Variants in GABRA3 observed in about 807,000 individuals in gnomAD.
GABRA3 encodes the protein gamma-aminobutyric acid type A receptor subunit alpha3, also known as gamma-aminobutyric acid receptor subunit alpha-3.
A neutral mutation model predicts 30.1 loss-of-function variants in GABRA3; 10 were observed. The ratio of observed to expected loss-of-function variants is 0.33; its 90% CI spans 0.20 to 0.56. The LOEUF is 0.56. Ranked by LOEUF, GABRA3 falls within the 20% of genes least tolerant of loss-of-function variation. The pLI, the probability that GABRA3 is intolerant of heterozygous loss-of-function variation, is 0.89. For synonymous variants in GABRA3, 151 were observed against 146.8 expected, an observed-to-expected ratio of 1.03 and a Z score of -0.21; for missense variants, 233 against 392.0, an observed-to-expected ratio of 0.59 and a Z score of 3.42.
intron 5 of GABRA3, among the ~76,000 whole-genome samples, chrX:152,234,039 A>C (rs1292361655): frequency 1.4e-5 from 1 of 70,419 alleles, no homozygotes; most frequent in Admixed American, 2.1e-4. Context: ...CACTCTAGGG[A>C]CTGTTGTGGG....
At chrX:152,414,159 T>C (rs1930147363) in intron 1 of GABRA3, among the ~76,000 whole-genome samples, 1 of 111,425 alleles carries the variant, frequency 9.0e-6, no homozygotes, top group South Asian at 3.7e-4. Flanking sequence ...TTTATGTACA[T>C]ACAAAAACCT....
intron 5 of GABRA3, among the ~76,000 whole-genome samples, chrX:152,229,451 CA>C (rs1271111255): frequency 1.8e-5 from 2 of 110,625 alleles, no homozygotes; most frequent in African/African-American, 3.3e-5. Flanking sequence ...GAAGGGGTTG[CA>C]ACTTTTAATA....
At chrX:152,289,045 G>A (rs1939346850) in intron 3 of GABRA3, among the ~76,000 whole-genome samples, 1 of 108,633 alleles carries the variant, frequency 9.2e-6, no homozygotes, top group Non-Finnish European at 1.9e-5. Flanking sequence ...ACCTCAATAG[G>A]ACTCCCATTG....
intron 3 of GABRA3, among the ~76,000 whole-genome samples, chrX:152,344,650 C>T (rs1940364122): frequency 8.9e-6 from 1 of 111,924 alleles, no homozygotes; most frequent in Non-Finnish European, 1.9e-5. Context: ...TCTACATTAA[C>T]ATTACCAGTA....
intron 6 of GABRA3, among the ~76,000 whole-genome samples, chrX:152,216,441 CAA>C (rs1937726411): frequency 1.1e-5 from 1 of 88,903 alleles, no homozygotes; most frequent in Non-Finnish European, 2.2e-5. Context: ...CACACACACA[CAA>C]TGGAATGCTA....
At chrX:152,343,129 GC>G (rs1940339201) in intron 3 of GABRA3, among the ~76,000 whole-genome samples, 1 of 110,805 alleles carries the variant, frequency 9.0e-6, no homozygotes, top group Admixed American at 9.7e-5. Context: ...CTTCTCCTCT[GC>G]CTTATGAATT....
At chrX:152,287,417 T>C (rs1453455072) in intron 3 of GABRA3, among the ~76,000 whole-genome samples, 1 of 110,809 alleles carries the variant, frequency 9.0e-6, no homozygotes, top group Non-Finnish European at 1.9e-5. Flanking sequence ...GTTCTCATGA[T>C]AATGAGTGAA....
chrX:152,262,807 C>T (rs1425641132), intron 4 of GABRA3, among the ~76,000 whole-genome samples: 1 of 111,912 alleles, frequency 8.9e-6, no homozygotes, highest in East Asian at 2.8e-4. Context: ...AAAGTCTCTT[C>T]CACATTTTCA....
chrX:152,286,955 ACTT>A (rs976400956), intron 3 of GABRA3, among the ~76,000 whole-genome samples: 11 of 111,488 alleles, frequency 9.9e-5, no homozygotes, highest in Non-Finnish European at 2.1e-4. Context: ...AAGAGACAAA[ACTT>A]CAGAACCCAG....
At chrX:152,227,203 TA>T (rs1214533673) in intron 5 of GABRA3, among the ~76,000 whole-genome samples, 2 of 108,552 alleles carry the variant, frequency 1.8e-5, no homozygotes, top group Non-Finnish European at 3.8e-5. Context: ...TATGCAGCCA[TA>T]AAAAATGATG....
chrX:152,342,287 A>G (rs1940326272), intron 3 of GABRA3, among the ~76,000 whole-genome samples: 1 of 112,064 alleles, frequency 8.9e-6, no homozygotes, highest in South Asian at 3.7e-4. Flanking sequence ...ATGTTTCTTA[A>G]CCATTTATAT....
chrX:152,303,837 C>T (rs1275651405), intron 3 of GABRA3, among the ~76,000 whole-genome samples: 1 of 110,451 alleles, frequency 9.1e-6, no homozygotes, highest in Non-Finnish European at 1.9e-5. Flanking sequence ...GGGGGGAGAG[C>T]ATTAGGACAA....
chrX:152,198,828 C>T (rs990768758), intron 7 of GABRA3, among the ~76,000 whole-genome samples: 4 of 112,384 alleles, frequency 3.6e-5, no homozygotes, highest in South Asian at 3.7e-4. Flanking sequence ...TGTATAACTT[C>T]TACCTGGGCT....
chrX:152,366,765 C>T (rs191609617), intron 1 of GABRA3, among the ~76,000 whole-genome samples: 1 of 111,843 alleles, frequency 8.9e-6, no homozygotes, highest in Non-Finnish European at 1.9e-5. Flanking sequence ...TACATCAATT[C>T]TTAACCATGA....
At chrX:152,220,703 C>T (rs752995148) in intron 6 of GABRA3, among the ~76,000 whole-genome samples, 4 of 111,546 alleles carry the variant, frequency 3.6e-5, no homozygotes, top group Non-Finnish European at 7.5e-5. Context: ...TGCTCAACAT[C>T]CTCACCAAGA....
At chrX:152,275,218 A>ATATATAATTTATATATAT (rs1569378261) in intron 4 of GABRA3, among the ~76,000 whole-genome samples, 3 of 72,011 alleles carry the variant, frequency 4.2e-5, no homozygotes, top group African/African-American at 1.7e-4. Context: ...ATAATATTAT[A>ATATATAATTTATATATAT]TATATATAAT....
intron 6 of GABRA3, among the ~76,000 whole-genome samples, chrX:152,216,381 A>G (rs1937721426): frequency 2.2e-5 from 2 of 89,505 alleles, no homozygotes; most frequent in Admixed American, 2.7e-4. Context: ...AATGTTATAT[A>G]ATATATAAAC....
At chrX:152,393,408 A>G (rs776380147) in intron 1 of GABRA3, 3 of 375,165 alleles carry the variant, frequency 8.0e-6, no homozygotes, top group Non-Finnish European at 1.6e-5. Flanking sequence ...ATAAAACACT[A>G]TTTCCCTGTA....
chrX:152,343,679 C>G lies in GABRA3; in HGVS notation c.262+1902G>C, dbSNP rs370999126. Among the ~76,000 whole-genome samples the G allele has an allele frequency of 4.5e-5, 5 of 111,558 alleles. No individual in the cohort carries two copies. The East Asian group carries it at 1.4e-3, about 31-fold the overall frequency. ...GTGACTGGTCTCTCCTCCTTCAATA[C>G]CGCTCTACTCTAATCCATTATTTAT... On this transcript the variant is annotated intron_variant, in intron 3 of 9. Transcript: ENST00000370314.
Sources: gnomAD v4.1 joint callset for allele counts (sites outside exome capture counted in the v4.1 genomes callset) on GRCh38, gnomAD v4.1.1 for gene constraint, MANE v1.5 for transcripts, NCBI Gene and HGNC (gene_info 2026-07-23, HGNC 2026-07-21) for gene names.